Variants in PBX1 observed in about 807,000 individuals in gnomAD.
PBX1 encodes the protein pre-B-cell leukemia transcription factor 1.
A neutral mutation model predicts 53.4 loss-of-function variants in PBX1; 6 were observed. The observed-to-expected ratio is 0.11, with a 90% CI of 0.06 to 0.22. The LOEUF (loss-of-function observed/expected upper bound fraction) is 0.22. Ranked by LOEUF, PBX1 falls within the 10% of genes least tolerant of loss-of-function variation. The pLI is 1.00. For missense variants in PBX1, 251 were observed against 551.4 expected, an observed-to-expected ratio of 0.46 and a Z score of 5.46; for synonymous variants, 204 against 212.3, an observed-to-expected ratio of 0.96 and a Z score of 0.34.
downstream of PBX1, among the ~76,000 whole-genome samples, chr1:164,852,213 G>A (rs911715479): frequency 6.6e-6 from 1 of 152,162 alleles, no homozygotes; most frequent in Non-Finnish European, 1.5e-5. Context: ...TGTCTGCTGT[G>A]ATCTGGTCAT....
intron 2 of PBX1, among the ~76,000 whole-genome samples, chr1:164,863,682 CAGAA>C (rs2102445279): frequency 6.6e-6 from 1 of 152,210 alleles, no homozygotes; most frequent in African/African-American, 2.4e-5. Context: ...TAAATATGGA[CAGAA>C]AGAGAGTCCT....
At chr1:164,567,212 G>T (rs1653495211) in intron 2 of PBX1, among the ~76,000 whole-genome samples, 1 of 152,092 alleles carries the variant, frequency 6.6e-6, no homozygotes, top group Non-Finnish European at 1.5e-5. Flanking sequence ...GTAGGTGGAG[G>T]GGCGGTGGGT....
intron 2 of PBX1, among the ~76,000 whole-genome samples, chr1:164,621,700 G>T (rs1428685055): frequency 1.3e-4 from 20 of 152,156 alleles, no homozygotes; most frequent in Admixed American, 1.3e-3. Flanking sequence ...AGCCAATGGA[G>T]TTTCTTAACT....
At chr1:164,587,774 C>T (rs568414022) in intron 2 of PBX1, among the ~76,000 whole-genome samples, 7 of 152,246 alleles carry the variant, frequency 4.6e-5, no homozygotes, top group East Asian at 1.9e-4. Flanking sequence ...TGCAGCAGTC[C>T]GGCACATACA....
intron 2 of PBX1, among the ~76,000 whole-genome samples, chr1:164,708,161 C>CT (rs1663551119): frequency 6.6e-6 from 1 of 152,200 alleles, no homozygotes; most frequent in South Asian, 2.1e-4. Context: ...GGCAGAGTGA[C>CT]TAAGTGACTG....
At chr1:164,651,967 G>GTGTGTGTA in intron 2 of PBX1, 1 of 142,480 alleles carries the variant, frequency 7.0e-6, no homozygotes, top group South Asian at 2.3e-4. Context: ...GTGTGTGTGT[G>GTGTGTGTA]TGTAAGGAAA....
intron 2 of PBX1, among the ~76,000 whole-genome samples, chr1:164,766,174 A>G (rs939655256): frequency 6.6e-6 from 1 of 152,150 alleles, no homozygotes; most frequent in Non-Finnish European, 1.5e-5. Flanking sequence ...AGAAGCTGAG[A>G]AGGGGGAGAT....
rs908441792 is a variant in PBX1, at chr1:164,848,462, A to T, written c.*1786A>T. ...TGTAAATGCGAAGTCAGGGGAAGTAATGTCCCTGAAATAAACGGGTTCATG... is the reference window on the plus strand; with the variant it reads ...TGTAAATGCGAAGTCAGGGGAAGTATTGTCCCTGAAATAAACGGGTTCATG... On this transcript the variant is annotated 3_prime_UTR_variant, in exon 9 of 9. Transcript: ENST00000420696. 2.9e-5 allele frequency: 31 copies of T among 1,057,084 alleles called. No individual in the cohort carries two copies. Among genetic ancestry groups the T allele is most frequent in the Admixed American group, 2.7e-4 (5 of 18,438 alleles). 65.5% of individuals were successfully genotyped at this position (1,057,084 alleles called of 1,614,324 possible).
intron 2 of PBX1, among the ~76,000 whole-genome samples, chr1:164,739,762 T>C (rs200375271): frequency 0.075 from 8,123 of 108,650 alleles, 230 homozygotes; most frequent in South Asian, 0.21. Flanking sequence ...CATGTGTGTG[T>C]GTGTGTGTGT....
In PBX1 at chr1:164,848,067, G is replaced by A. The variant is rs1017640639; in HGVS notation, c.*1391G>A. 2 of 1,051,188 alleles carry A rather than the reference G, an allele frequency of 1.9e-6. No homozygotes were observed. The highest frequency in any genetic ancestry group is 3.3e-5 in the African/African-American group (2 of 60,262). The allele number at this position is 1,051,188 out of a possible 1,614,324, so 65.1% of individuals were successfully genotyped here. Reference sequence around the variant, plus strand: ...ACCTATTGCTCTGGAGGAAAGAGTTGTATAAGAACGTGGCTCATGTGAACT... The same window carrying A: ...ACCTATTGCTCTGGAGGAAAGAGTTATATAAGAACGTGGCTCATGTGAACT... On this transcript the variant is annotated 3_prime_UTR_variant, in exon 9 of 9. Transcript: ENST00000420696.
chr1:164,701,498 C>T (rs1160985385), intron 2 of PBX1, among the ~76,000 whole-genome samples: 2 of 152,200 alleles, frequency 1.3e-5, no homozygotes, highest in Non-Finnish European at 2.9e-5. Flanking sequence ...GATTCACAGG[C>T]CTTGCCCCAG....
chr1:164,739,677 T>C lies in PBX1; in HGVS notation c.266-52817T>C, dbSNP rs1281839313. On this transcript the variant is annotated intron_variant, in intron 2 of 8. Transcript: ENST00000420696. Reference sequence around the variant, plus strand: ...CCCTTGCCTTTTTTCTTCCTTTTCATTTAAGCAGCACAGTGCCGTCTCTTT... The same window carrying C: ...CCCTTGCCTTTTTTCTTCCTTTTCACTTAAGCAGCACAGTGCCGTCTCTTT... Among the ~76,000 whole-genome samples, 7 of 152,242 alleles carry C rather than the reference T, an allele frequency of 4.6e-5. No homozygotes were observed. The South Asian group carries it at 8.3e-4, about 18-fold the overall frequency.
Position 164,874,394 on chromosome 1 carries a change from T to C in PBX1, n.258-24794T>C, listed in dbSNP as rs577819067. Among the ~76,000 whole-genome samples the C allele has an allele frequency of 4.6e-5, 7 of 152,288 alleles. 1 individual carries two copies. Among genetic ancestry groups the C allele is most frequent in the African/African-American group, 1.7e-4 (7 of 41,586 alleles). ...TTAGATCATGTATGTTATGATGTTA[T>C]TTAACTATATGCGTTGTTGTGTATT... is the stretch of plus-strand genomic sequence containing the variant. On this transcript the variant is annotated intron_variant and non_coding_transcript_variant, in intron 2 of 2. Transcript: ENST00000558796.
chr1:164,834,025 G>A (rs1310835624), intron 8 of PBX1, among the ~76,000 whole-genome samples: 3 of 136,542 alleles, frequency 2.2e-5, no homozygotes, highest in African/African-American at 9.0e-5. Context: ...GTATATATAT[G>A]TATATGTGTG....
intron 4 of PBX1, among the ~76,000 whole-genome samples, chr1:164,803,156 C>G (rs1005246847): frequency 2.6e-5 from 4 of 152,182 alleles, no homozygotes; most frequent in African/African-American, 9.7e-5. Flanking sequence ...CTCTTACTAT[C>G]TGCCCGATGT....
At chr1:164,677,170 G>A (rs1661481268) in intron 2 of PBX1, among the ~76,000 whole-genome samples, 1 of 148,596 alleles carries the variant, frequency 6.7e-6, no homozygotes, top group Non-Finnish European at 1.5e-5. Flanking sequence ...TCGGCTCACT[G>A]CAAGCTCCGC....
At chr1:164,879,811 T>G (rs1672603559) in intron 2 of PBX1, among the ~76,000 whole-genome samples, 1 of 152,228 alleles carries the variant, frequency 6.6e-6, no homozygotes, top group African/African-American at 2.4e-5. Flanking sequence ...CATCATTTAT[T>G]CCATGTGAAT....
rs555400662 is a variant in PBX1 at position 164,622,063 on chromosome 1, C to G, written c.265+58752C>G. Among the ~76,000 whole-genome samples, 6 of 152,342 alleles carry G rather than the reference C, an allele frequency of 3.9e-5. No homozygotes were observed. The South Asian group carries it at 1.2e-3, about 32-fold the overall frequency. ...CATTTAGGCACCATCTAAGTTTACCCAGCCTCTCTTCTGCATTGACATTGG... is the reference window on the plus strand; with the variant it reads ...CATTTAGGCACCATCTAAGTTTACCGAGCCTCTCTTCTGCATTGACATTGG... On this transcript the variant is annotated intron_variant, in intron 2 of 8. Coordinates refer to ENST00000420696, the MANE Select transcript of PBX1 (RefSeq NM_002585.4).
intron 2 of PBX1, among the ~76,000 whole-genome samples, chr1:164,764,307 A>G (rs1363199845): frequency 6.6e-6 from 1 of 152,240 alleles, no homozygotes; most frequent in East Asian, 1.9e-4. Flanking sequence ...AAAGAATAAG[A>G]TGAAAATAGA....
Sources: allele counts gnomAD v4.1 joint callset (sites outside exome capture counted in the v4.1 genomes callset), GRCh38; gene constraint gnomAD v4.1.1; transcripts MANE v1.5; gene names NCBI Gene and HGNC (gene_info 2026-07-23, HGNC 2026-07-21).